MYO15B: variants seen among roughly 807,000 people sequenced by gnomAD.
MYO15B encodes the protein myosin XVB, also known as myosin XVB pseudogene.
In MYO15B, 207 loss-of-function variants were observed where a neutral mutation model predicts 119.3. The observed-to-expected ratio is 1.73, with a 90% confidence interval of 1.55 to 1.95. The LOEUF is 1.95. Among genes scored for constraint, MYO15B ranks in the 30% most tolerant of loss-of-function variants. The pLI is 0.00. For missense variants in MYO15B, 2,264 were observed against 1,203.1 expected (o/e 1.88, Z -13.04); for synonymous variants, 966 against 498.9 (o/e 1.94, Z -12.48).
intron 54 of MYO15B, 27 bp from the exon 55 acceptor site, chr17:75,623,922 C>T (rs35605471): frequency 1.4e-6 from 1 of 702,860 alleles, no homozygotes. Flanking sequence ...CCTGGCCAGC[C>T]TGAAGCCCGA....
In MYO15B at chr17:75,593,229, G is replaced by A. The variant is rs765182337; in HGVS notation, c.2991+389G>A. On this transcript the variant is annotated intron_variant, in intron 9 of 63. Transcript: ENST00000645453. ...AAAAAAAAAAAAAAAAAGGGTTGGCGGTGGTGGCTCACACCTGTAATCCTA... is the reference window on the plus strand; with the variant it reads ...AAAAAAAAAAAAAAAAAGGGTTGGCAGTGGTGGCTCACACCTGTAATCCTA... 1.5e-3 allele frequency among the ~76,000 whole-genome samples: 223 copies of A among 149,500 alleles called. 1 individual carries two copies. Among genetic ancestry groups the A allele is most frequent in the Non-Finnish European group, 1.3e-3 (85 of 67,512 alleles).
intron 14 of MYO15B, among the ~76,000 whole-genome samples, chr17:75,598,079 C>T (rs978018600): frequency 6.6e-6 from 1 of 151,848 alleles, no homozygotes; most frequent in African/African-American, 2.4e-5. Context: ...TGTGGAAGCT[C>T]AATATAACGT....
chr17:75,611,494 T>A, intron 23 of MYO15B, 107 bp from the exon 24 acceptor site: 1 of 528,720 alleles, frequency 1.9e-6, no homozygotes, highest in South Asian at 2.0e-5. Context: ...AAAAAATCCG[T>A]GGTCTTTGGA....
chr17:75,615,483 G>T lies in MYO15B; in HGVS notation c.5741-20G>T, dbSNP rs969131842. On this transcript the variant is annotated intron_variant, in intron 34 of 63. Transcript: ENST00000645453. ...GCTGGCCATGGTGCCCACCACTCTG[G>T]CCGCCTGCCGCCCTCACAGCCATGG... 2 of 680,946 alleles carry T rather than the reference G, an allele frequency of 2.9e-6. No homozygotes were observed. Among genetic ancestry groups the T allele is most frequent in the Non-Finnish European group, 5.4e-6 (2 of 373,600 alleles). The allele number at this position is 680,946 out of a possible 1,614,324, so 42.2% of individuals were successfully genotyped here.
chr17:75,602,168 C>T, intron 15 of MYO15B: 1 of 360,448 alleles, frequency 2.8e-6, no homozygotes, highest in Admixed American at 4.1e-5. Flanking sequence ...AGGAGTTGCC[C>T]CCAAAAAAGA....
intron 14 of MYO15B, among the ~76,000 whole-genome samples, chr17:75,600,187 C>T (rs1454717511): frequency 5.3e-5 from 8 of 151,596 alleles, no homozygotes; most frequent in African/African-American, 1.2e-4. Flanking sequence ...CCACCATGCC[C>T]GGCTAATTTT....
intron 52 of MYO15B, 172 bp downstream of exon 52, chr17:75,621,742 A>AGGGTTGT (rs2058724911): frequency 1.7e-6 from 1 of 603,636 alleles, no homozygotes; most frequent in Non-Finnish European, 3.0e-6. Context: ...CTCCCACTCA[A>AGGGTTGT]GGGTTGTGGG....
rs372791036 is a variant in MYO15B, at chr17:75,604,704, C to T, written c.4017-800C>T. On this transcript the variant is annotated intron_variant, in intron 19 of 63. Transcript: ENST00000645453. ...GTTCACCTGTTCTCCCCCTGAGCTCCAGCGCAGAGACCCTCCCTGCCCAAG... is the reference window on the plus strand; with the variant it reads ...GTTCACCTGTTCTCCCCCTGAGCTCTAGCGCAGAGACCCTCCCTGCCCAAG... Among the ~76,000 whole-genome samples the T allele has an allele frequency of 1.2e-4, 18 of 151,934 alleles. 1 individual carries two copies. The highest frequency in any genetic ancestry group is 4.3e-4 in the African/African-American group (18 of 41,408).
In MYO15B at chr17:75,614,188, C is replaced by T. The variant is rs1213961426; in HGVS notation, c.5220-11C>T. On this transcript the variant is annotated splice_polypyrimidine_tract_variant and intron_variant, in intron 29 of 63. Coordinates refer to ENST00000645453, the Ensembl canonical transcript of MYO15B. ...GCCGCCTGCCTCACTGACTGGTCCC[C>T]TCCCACCCAGAGGCCTGGAGGCGCC... is the stretch of plus-strand genomic sequence containing the variant. 2.8e-6 allele frequency: 2 copies of T among 701,840 alleles called. No homozygotes were observed. Among genetic ancestry groups the T allele is most frequent in the African/African-American group, 1.7e-5 (1 of 57,218 alleles). 43.5% of individuals were successfully genotyped at this position (701,840 alleles called of 1,614,324 possible). A position where few individuals can be genotyped will look rare whatever the true frequency, so the allele number is the denominator to read the frequency against.
At chr17:75,625,771 C>G (rs757596276) in intron 61 of MYO15B, 73 bp from the exon 62 acceptor site, 19 of 701,026 alleles carry the variant, frequency 2.7e-5, no homozygotes, top group Non-Finnish European at 4.9e-5. Context: ...CTCAGCTGAC[C>G]TGGGGGACCA....
rs372818002 is a variant in MYO15B, at chr17:75,590,066, C to T, written c.2009C>T (p.Pro670Leu). ...ACCCGCCTGCAGCAGGAGGGAGACC[C>T]GGGCCTCCGTGGGTCCCTGAGGGAG... Residue 670 changes from proline (P) to leucine (L), a missense_variant, in exon 1 of 64, where the codon CCG becomes CTG. Physicochemically the swap from Pro to Leu is moderately conservative, Grantham distance 98. Transcript: ENST00000645453. The T allele has an allele frequency of 1.8e-5, 7 of 398,966 alleles. No individual in the cohort carries two copies. In the South Asian group the frequency reaches 3.8e-4, roughly 22 times the overall value. The allele number at this position is 398,966 out of a possible 1,614,324, so 24.7% of individuals were successfully genotyped here. A position where few individuals can be genotyped will look rare whatever the true frequency, so the allele number is the denominator to read the frequency against.
chr17:75,605,281 C>T (rs762464959), intron 19 of MYO15B, among the ~76,000 whole-genome samples: 27 of 151,768 alleles, frequency 1.8e-4, no homozygotes, highest in Non-Finnish European at 3.8e-4. Context: ...ACTAAAAATA[C>T]AAAAAATTAG....
In MYO15B at chr17:75,589,368, A is replaced by AGGGGACGAGGGTC. The variant is rs2056281969; in HGVS notation, c.1316_1328dup (p.Lys446SerfsTer34). ...CGGATGAAGGGCGGGGCCACGAGCGAGGGGACGAGGGTCGGGGCCGCGGGA... is the reference window on the plus strand; with the variant it reads ...CGGATGAAGGGCGGGGCCACGAGCGAGGGGACGAGGGTCGGGGACGAGGGTCGGGGCCGCGGGA... On this transcript the variant is annotated frameshift_variant, in exon 1 of 64. Transcript: ENST00000645453. LOFTEE classifies it high-confidence loss of function. This position sits in a 1 kb window ranked among gnomAD's most constrained non-coding sequence, Gnocchi z 4.2. 2 of 344,532 alleles carry AGGGGACGAGGGTC rather than the reference A, an allele frequency of 5.8e-6. No individual in the cohort carries two copies. Among genetic ancestry groups the AGGGGACGAGGGTC allele is most frequent in the Non-Finnish European group, 9.8e-6 (2 of 203,322 alleles). The allele number at this position is 344,532 out of a possible 1,614,324, so 21.3% of individuals were successfully genotyped here. A position where few individuals can be genotyped will look rare whatever the true frequency, so the allele number is the denominator to read the frequency against.
chr17:75,588,191 C>A (rs1167104058), exon 1 of MYO15B: 3 of 397,890 alleles, frequency 7.5e-6, no homozygotes, highest in Admixed American at 8.8e-5. Context: ...CGCGGGCAGG[C>A]GGACAGGGCG....
At chr17:75,607,839 A>G (rs1038121660) in intron 21 of MYO15B, among the ~76,000 whole-genome samples, 3 of 152,122 alleles carry the variant, frequency 2.0e-5, no homozygotes, top group Admixed American at 2.0e-4. Context: ...TGGTAATTCT[A>G]TGTTTAACTT....
At chr17:75,625,185 C>T (rs1227372553) in exon 60 of MYO15B, 2 of 702,610 alleles carry the variant, frequency 2.8e-6, no homozygotes, top group South Asian at 1.5e-5. Flanking sequence ...CGCAGCTCGC[C>T]AGGCTGGCCG....
rs554250579 is a variant in MYO15B at position 75,623,646 on chromosome 17, T to A, written c.8083-135T>A. On this transcript the variant is annotated intron_variant, in intron 53 of 63. Transcript: ENST00000645453. ...GCGAAGAAAGTAACTGAGTAGCCAG[T>A]GCAGTGATGTCTTAAGCTGAGAGAG... The A allele has an allele frequency of 1.8e-4, 112 of 634,756 alleles. 2 individuals carry two copies. In the Middle Eastern group the frequency reaches 1.8e-3, roughly 10 times the overall value. 39.3% of individuals were successfully genotyped at this position (634,756 alleles called of 1,614,324 possible). A position where few individuals can be genotyped will look rare whatever the true frequency, so the allele number is the denominator to read the frequency against.
rs1338084386 is a variant in MYO15B at position 75,591,027 on chromosome 17, C to T, written c.2360+11C>T. ...CCTCAGCACCACTCCGTATGTGACT[C>T]TGCCCCACTGACCCTCTGCTCACCT... On this transcript the variant is annotated intron_variant, in intron 3 of 63. Coordinates refer to ENST00000645453, the Ensembl canonical transcript of MYO15B. 4.7e-6 allele frequency: 3 copies of T among 639,428 alleles called. No individual in the cohort carries two copies. Among genetic ancestry groups the T allele is most frequent in the Non-Finnish European group, 5.7e-6 (2 of 353,266 alleles). 39.6% of individuals were successfully genotyped at this position (639,428 alleles called of 1,614,324 possible).
chr17:75,593,197 TAAAAAAAA>T (rs5822094), intron 9 of MYO15B, among the ~76,000 whole-genome samples: 175 of 74,230 alleles, frequency 2.4e-3, no homozygotes, highest in Non-Finnish European at 3.4e-3. Flanking sequence ...CCGTCTCTAT[TAAAAAAAA>T]AAAAAAAAAA....
Sources: gnomAD v4.1 joint callset for allele counts (sites outside exome capture counted in the v4.1 genomes callset) on GRCh38, gnomAD v4.1.1 for gene constraint, Gnocchi (gnomAD v3.1) non-coding constraint, MANE v1.5 for transcripts, NCBI Gene and HGNC (gene_info 2026-07-23, HGNC 2026-07-21) for gene names.